The following GNB5 variants were observed in gnomAD, a reference collection of about 807,000 sequenced individuals.
The protein encoded by GNB5 is G protein subunit beta 5.
Under a neutral mutation model 55.3 loss-of-function variants are expected in GNB5, and 37 were observed. The ratio of observed to expected loss-of-function variants is 0.67; its 90% CI spans 0.51 to 0.88. The LOEUF is 0.88. Among genes scored for constraint, GNB5 ranks in the 40% least tolerant of loss-of-function variants. The pLI is 0.00. For missense variants in GNB5, 476 were observed against 515.3 expected (o/e 0.92, Z 0.74); for synonymous variants, 219 against 198.5 (o/e 1.10, Z -0.87).
chr15:52,159,826 G>A (rs913101716), intron 3 of GNB5, among the ~76,000 whole-genome samples: 1 of 152,194 alleles, frequency 6.6e-6, no homozygotes, highest in Non-Finnish European at 1.5e-5. Context: ...CCCAGGGTCA[G>A]GGAGCCAGAG....
At chr15:52,148,985 C>T (rs900661203) in intron 5 of GNB5, among the ~76,000 whole-genome samples, 1 of 152,214 alleles carries the variant, frequency 6.6e-6, no homozygotes, top group Non-Finnish European at 1.5e-5. Flanking sequence ...CCTGCATAGT[C>T]CAGAAGGTGC....
chr15:52,124,866 T>C (rs1201930312), intron 11 of GNB5: 4 of 449,988 alleles, frequency 8.9e-6, no homozygotes, highest in Non-Finnish European at 1.2e-5. Flanking sequence ...GTAACAGCCA[T>C]AATGCAAGTG....
chr15:52,136,227 G>A (rs1286796903), intron 7 of GNB5, among the ~76,000 whole-genome samples: 1 of 144,874 alleles, frequency 6.9e-6, no homozygotes. Context: ...ATACAAAGAA[G>A]GAAAGAGTGC....
chr15:52,129,857 A>T (rs1004838264), intron 9 of GNB5, among the ~76,000 whole-genome samples: 7 of 152,212 alleles, frequency 4.6e-5, no homozygotes, highest in African/African-American at 1.7e-4. Context: ...CCTTACAATG[A>T]AGAAATGTCC....
rs561553273 is a variant in GNB5, at chr15:52,126,579, T to C, written c.913-535A>G. Among the ~76,000 whole-genome samples the C allele has an allele frequency of 1.1e-4, 17 of 152,356 alleles. No homozygotes were observed. The South Asian group carries it at 2.3e-3, about 20-fold the overall frequency. ...TCAAAAAACATTATGTACATAGTTA[T>C]TGAATATATCAGAATCTATTTAGCC... On this transcript the variant is annotated intron_variant, in intron 10 of 12. Transcript: ENST00000261837.
At chr15:52,154,735 A>G (rs1465130701) in intron 3 of GNB5, among the ~76,000 whole-genome samples, 1 of 152,222 alleles carries the variant, frequency 6.6e-6, no homozygotes, top group Non-Finnish European at 1.5e-5. Flanking sequence ...GAACCAGCAA[A>G]CTGCCAAGCA....
At chr15:52,186,031 G>A (rs1330720921) in intron 1 of GNB5, among the ~76,000 whole-genome samples, 2 of 151,990 alleles carry the variant, frequency 1.3e-5, no homozygotes, top group African/African-American at 2.4e-5. Context: ...CACCCACCTC[G>A]GCCTCCCGAA....
chr15:52,187,473 G>A (rs1348959681), intron 1 of GNB5, among the ~76,000 whole-genome samples: 3 of 152,068 alleles, frequency 2.0e-5, no homozygotes, highest in African/African-American at 4.8e-5. Context: ...AATGGAAGGC[G>A]AGAGGAACCT....
intron 1 of GNB5, among the ~76,000 whole-genome samples, chr15:52,187,442 G>A (rs913622167): frequency 1.3e-5 from 2 of 152,102 alleles, no homozygotes; most frequent in African/African-American, 2.4e-5. Flanking sequence ...AATGAGCTGC[G>A]GACAGAGGAG....
At chr15:52,147,582 CTTT>C in intron 5 of GNB5, 47 bp from the exon 6 acceptor site, 3 of 804,674 alleles carry the variant, frequency 3.7e-6, no homozygotes, top group Non-Finnish European at 5.6e-6. Context: ...ACACAAAAAT[CTTT>C]TTTTTTTTTC....
intron 6 of GNB5, among the ~76,000 whole-genome samples, chr15:52,145,380 C>T (rs903908932): frequency 5.3e-5 from 8 of 151,996 alleles, no homozygotes; most frequent in Admixed American, 3.3e-4. Flanking sequence ...TGGCTCACAC[C>T]TGCAATCTCA....
chr15:52,139,458 A>AAAAC (rs113288850), intron 7 of GNB5: 1,813 of 157,642 alleles, frequency 0.012, 25 homozygotes, highest in African/African-American at 0.039. Flanking sequence ...CCTGTCTCAA[A>AAAAC]AAACAAACAA....
chr15:52,133,668 G>A (rs942079073), intron 8 of GNB5, among the ~76,000 whole-genome samples, 199 bp from the exon 9 acceptor site: 3 of 152,200 alleles, frequency 2.0e-5, no homozygotes, highest in African/African-American at 4.8e-5. Context: ...GTCTTGGGAT[G>A]GGAGGCAGGA....
intron 7 of GNB5, chr15:52,139,839 C>T (rs1273513936): frequency 1.6e-6 from 2 of 1,276,522 alleles, no homozygotes; most frequent in Admixed American, 2.3e-5. Context: ...TCATCCCCAA[C>T]CCTGCCCCGG....
intron 2 of GNB5, among the ~76,000 whole-genome samples, chr15:52,182,157 G>A (rs1337351696): frequency 1.3e-5 from 2 of 152,160 alleles, no homozygotes; most frequent in East Asian, 1.9e-4. Flanking sequence ...TATGGCATTC[G>A]GAGAGAGCAG....
At chr15:52,134,829 G>A (rs1234370412) in intron 8 of GNB5, among the ~76,000 whole-genome samples, 1 of 152,038 alleles carries the variant, frequency 6.6e-6, no homozygotes, top group African/African-American at 2.4e-5. Context: ...AGGTCAGCTG[G>A]CCCAGCTCTC....
chr15:52,187,097 A>G (rs556568141), intron 1 of GNB5, among the ~76,000 whole-genome samples: 9 of 152,292 alleles, frequency 5.9e-5, no homozygotes, highest in Admixed American at 2.6e-4. Context: ...TTGGAACCCT[A>G]TTTCCAAGCT....
chr15:52,128,605 A>T, intron 9 of GNB5: 1 of 521,356 alleles, frequency 1.9e-6, no homozygotes. Flanking sequence ...AATCAGACGC[A>T]CAAAGCCACA....
At chr15:52,168,667 T>C (rs2034496030) in intron 3 of GNB5, among the ~76,000 whole-genome samples, 1 of 152,060 alleles carries the variant, frequency 6.6e-6, no homozygotes, top group African/African-American at 2.4e-5. Flanking sequence ...GCCAAGATAA[T>C]CCTCAGCAAA....
Sources: allele counts gnomAD v4.1 joint callset (sites outside exome capture counted in the v4.1 genomes callset), GRCh38; gene constraint gnomAD v4.1.1; transcripts MANE v1.5; gene names NCBI Gene and HGNC (gene_info 2026-07-23, HGNC 2026-07-21).